Variants in CAMK2B observed in about 807,000 individuals in gnomAD.
The protein encoded by CAMK2B is calcium/calmodulin dependent protein kinase II beta.
In CAMK2B, 27 loss-of-function variants were observed where a neutral mutation model predicts 93.7. That is an observed-to-expected ratio of 0.29 (90% CI 0.21 to 0.40). The LOEUF (loss-of-function observed/expected upper bound fraction) is 0.40, where lower values mean the gene tolerates loss of function less well. Among genes scored for constraint, CAMK2B ranks in the 10% least tolerant of loss-of-function variants. The pLI is 1.00. For missense variants in CAMK2B, 568 were observed against 895.8 expected (o/e 0.63, Z 4.67); for synonymous variants, 374 against 358.8 (o/e 1.04, Z -0.48).
In CAMK2B at chr7:44,243,542, C is replaced by A; in HGVS notation, c.415-15G>T. On this transcript the variant is annotated splice_polypyrimidine_tract_variant and intron_variant, in intron 6 of 23. Coordinates refer to ENST00000395749, the MANE Select transcript of CAMK2B (RefSeq NM_001220.5). ...AGGTTCTCCGGCTGCAGGGAGGTGA[C>A]CGGCACAAGGGTGCATGTTGTTTAA... is the stretch of plus-strand genomic sequence containing the variant. 1 of 1,608,318 alleles carries A rather than the reference C, an allele frequency of 6.2e-7. No homozygotes were observed.
chr7:44,310,358 G>A (rs373198563), intron 1 of CAMK2B, among the ~76,000 whole-genome samples: 20 of 152,322 alleles, frequency 1.3e-4, no homozygotes, highest in African/African-American at 4.3e-4. Context: ...CCTGGGGCCG[G>A]AAGGGACTGG....
chr7:44,220,988 A>G, intron 20 of CAMK2B, 87 bp from the exon 21 acceptor site: 2 of 1,104,940 alleles, frequency 1.8e-6, no homozygotes, highest in African/African-American at 1.6e-5. Flanking sequence ...GGCCTGGGGG[A>G]GCGCGAGCTG....
intron 2 of CAMK2B, among the ~76,000 whole-genome samples, chr7:44,280,646 T>G (rs1403949761): frequency 6.6e-6 from 1 of 152,194 alleles, no homozygotes; most frequent in Non-Finnish European, 1.5e-5. Context: ...CTGACACATG[T>G]CACGGAGCTT....
chr7:44,228,648 C>T, intron 19 of CAMK2B, 148 bp downstream of exon 19: 1 of 680,824 alleles, frequency 1.5e-6, no homozygotes, highest in Non-Finnish European at 2.2e-6. Context: ...TGGGAGCCCA[C>T]AGGAAGCCCC....
rs35452727 is a variant in CAMK2B, at chr7:44,226,585, C to T, written c.1528G>A (p.Glu510Lys). 100,073 of 1,497,380 alleles carry T rather than the reference C, an allele frequency of 0.067. 4,607 individuals are homozygous for T. The highest frequency in any genetic ancestry group is 0.2 in the African/African-American group (13,393 of 67,914). The allele number at this position is 1,497,380 out of a possible 1,614,324, so 92.8% of individuals were successfully genotyped here. The change falls in exon 20 of 24, where the codon GAG becomes AAG. Residue 510 changes from glutamate to lysine, a missense_variant. By Grantham distance (56) the Glu-to-Lys change is moderately conservative (BLOSUM62 1). Around this residue, in one of 4 missense-constraint regions of CAMK2B, gnomAD observed 308 missense variants for 292.1 expected, o/e 1.05. Transcript: ENST00000395749. ...GGGGGCCCCACTGGCGAGGGGCCCTCGGCTTCTGGGGTCCCTGAGCCCCTC... is the reference window on the plus strand; with the variant it reads ...GGGGGCCCCACTGGCGAGGGGCCCTTGGCTTCTGGGGTCCCTGAGCCCCTC... ...VRRGSGTPEA[E>K]GPSPVGPPPC...
intron 20 of CAMK2B, among the ~76,000 whole-genome samples, chr7:44,222,741 G>A (rs1199275736): frequency 6.6e-6 from 1 of 152,206 alleles, no homozygotes; most frequent in Non-Finnish European, 1.5e-5. Flanking sequence ...ACTGTGCCCA[G>A]CCAGAAGAGG....
At chr7:44,253,465 G>A (rs747914784) in intron 5 of CAMK2B, among the ~76,000 whole-genome samples, 13 of 152,096 alleles carry the variant, frequency 8.5e-5, no homozygotes, top group Admixed American at 3.3e-4. Context: ...CGCCCACCTC[G>A]GCCTCCCAAA....
intron 2 of CAMK2B, among the ~76,000 whole-genome samples, chr7:44,267,368 C>T (rs970914109): frequency 6.6e-6 from 1 of 152,212 alleles, no homozygotes; most frequent in African/African-American, 2.4e-5. Context: ...AGAGGTGATG[C>T]TTCAGTGGGG....
chr7:44,266,292 G>C (rs1467905178), intron 2 of CAMK2B, among the ~76,000 whole-genome samples: 2 of 152,144 alleles, frequency 1.3e-5, no homozygotes, highest in Non-Finnish European at 2.9e-5. Flanking sequence ...TCTCAGGGCA[G>C]GCCAGAATCC....
Position 44,254,604 on chromosome 7 carries a change from G to A in CAMK2B, c.279C>T (p.Val93=), listed in dbSNP as rs138063552. 1.7e-4 allele frequency: 266 copies of A among 1,610,228 alleles called. No individual in the cohort carries two copies. The African/African-American group carries it at 3.4e-3, about 21-fold the overall frequency. The change falls in exon 5 of 24, where the codon GTC becomes GTT. Residue 93 remains valine (V), a synonymous_variant. Transcript: ENST00000395749. ...TGTCTTCAAAGAGCTCCCCACCAGT[G>A]ACCCTATGGGAGAAGCATGAAGGGG... ...EGFHYLVFDL[V]TGGELFEDIV...
chr7:44,261,578 G>C (rs2096879531), intron 3 of CAMK2B, among the ~76,000 whole-genome samples: 1 of 152,330 alleles, frequency 6.6e-6, no homozygotes, highest in African/African-American at 2.4e-5. Flanking sequence ...CAGGAAGCAG[G>C]TTGCTCAGGC....
At chr7:44,324,313 G>C (rs959395445) in intron 1 of CAMK2B, among the ~76,000 whole-genome samples, 1 of 152,212 alleles carries the variant, frequency 6.6e-6, no homozygotes, top group South Asian at 2.1e-4. Context: ...GAGGATGGGG[G>C]AGGACGCAGG....
intron 1 of CAMK2B, among the ~76,000 whole-genome samples, chr7:44,285,809 G>A (rs1356881920): frequency 6.6e-5 from 7 of 106,452 alleles, no homozygotes; most frequent in Admixed American, 3.6e-4. Flanking sequence ...TGGGAGATGC[G>A]GCGGGGGGGA....
chr7:44,288,809 C>T (rs1785869884), intron 1 of CAMK2B, among the ~76,000 whole-genome samples: 1 of 152,108 alleles, frequency 6.6e-6, no homozygotes, highest in South Asian at 2.1e-4. Context: ...TACGACTGCA[C>T]CTGCTCGGGC....
chr7:44,292,024 C>T (rs576413935), intron 1 of CAMK2B, among the ~76,000 whole-genome samples: 3 of 152,308 alleles, frequency 2.0e-5, no homozygotes, highest in Admixed American at 1.3e-4. Context: ...ACCAACCAAG[C>T]GGTTTAAACA....
rs2096556329 is a variant in CAMK2B at position 44,229,431 on chromosome 7, C to A, written c.1296G>T (p.Leu432=). 1.3e-6 allele frequency: 2 copies of A among 1,495,896 alleles called. No homozygotes were observed. Among genetic ancestry groups the A allele is most frequent in the Non-Finnish European group, 1.8e-6 (2 of 1,123,442 alleles). The allele number at this position is 1,495,896 out of a possible 1,614,324, so 92.7% of individuals were successfully genotyped here. The change falls in exon 18 of 24, where the codon CTG becomes CTT. Residue 432 remains leucine, a synonymous_variant. Coordinates refer to ENST00000395749, the MANE Select transcript of CAMK2B (RefSeq NM_001220.5). ...TAAAGGGAGCCGGAGATGGGCAGGG[C>A]AGGGGCCCCTCGGCTTCTGGGGCTC... ...GSGAPEAEGP[L]PCPSPAPFSP...
intron 3 of CAMK2B, among the ~76,000 whole-genome samples, chr7:44,262,143 C>T (rs939424172): frequency 2.0e-5 from 3 of 152,322 alleles, no homozygotes; most frequent in Non-Finnish European, 4.4e-5. Flanking sequence ...GGAGCCAGGC[C>T]CAGGTGAGTG....
At chr7:44,297,896 G>T (rs1788733497) in intron 1 of CAMK2B, among the ~76,000 whole-genome samples, 1 of 152,186 alleles carries the variant, frequency 6.6e-6, no homozygotes, top group Non-Finnish European at 1.5e-5. Flanking sequence ...GGCCATGGAG[G>T]GTGGGTCACT....
rs150076245 is a variant in CAMK2B at position 44,230,980 on chromosome 7, G to T, written c.1225+26C>A. ...AACCCAGCAATGCCAAGGCCGCTGG[G>T]GGGGCAAGGACTCAAGTGCAGGTAC... On this transcript the variant is annotated intron_variant, in intron 17 of 23. Transcript: ENST00000395749. 3.9e-4 allele frequency: 604 copies of T among 1,550,632 alleles called. 2 individuals are homozygous for T. The East Asian group carries it at 0.013, about 34-fold the overall frequency.
Sources: gnomAD v4.1 joint callset for allele counts (sites outside exome capture counted in the v4.1 genomes callset) on GRCh38, gnomAD v4.1.1 for gene constraint, gnomAD v4.1.1 regional missense constraint, MANE v1.5 for transcripts, NCBI Gene and HGNC (gene_info 2026-07-23, HGNC 2026-07-21) for gene names.